Variants in BCL2L1 observed in about 807,000 individuals in gnomAD.
BCL2L1 encodes the protein BCL2 like 1.
Under a neutral mutation model 18.7 loss-of-function variants are expected in BCL2L1, and 1 was observed. The observed-to-expected ratio is 0.05, with a 90% confidence interval of 0.02 to 0.25. The LOEUF (loss-of-function observed/expected upper bound fraction) is 0.25. Ranked by LOEUF, BCL2L1 falls within the 10% of genes least tolerant of loss-of-function variation. BCL2L1 has a pLI of 1.00. For missense variants in BCL2L1, 207 were observed against 304.9 expected (o/e 0.68, Z 2.39); for synonymous variants, 103 against 122.7 (o/e 0.84, Z 1.06).
intron 2 of BCL2L1, among the ~76,000 whole-genome samples, chr20:31,679,972 C>T (rs1216726632): frequency 7.9e-5 from 12 of 152,204 alleles, no homozygotes; most frequent in African/African-American, 2.9e-4. Context: ...TGAGCCACTG[C>T]ACCCAGCCTG....
At chr20:31,693,068 C>CA (rs570960056) in intron 2 of BCL2L1, among the ~76,000 whole-genome samples, 1,749 of 64,348 alleles carry the variant, frequency 0.027, 33 homozygotes, top group African/African-American at 0.08. Flanking sequence ...GGGACCGTCT[C>CA]AAAAAAAAAA....
chr20:31,689,503 T>C (rs1600824384), intron 2 of BCL2L1, among the ~76,000 whole-genome samples: 1 of 149,492 alleles, frequency 6.7e-6, no homozygotes, highest in Non-Finnish European at 1.5e-5. Context: ...CAAGGGAAGG[T>C]AGGAAACTTA....
intron 2 of BCL2L1, among the ~76,000 whole-genome samples, chr20:31,667,338 G>A (rs2060602684): frequency 6.6e-6 from 1 of 151,864 alleles, no homozygotes; most frequent in African/African-American, 2.4e-5. Flanking sequence ...GCACGCACCT[G>A]TAATCCCAGT....
intron 2 of BCL2L1, among the ~76,000 whole-genome samples, chr20:31,678,054 C>T (rs542053746): frequency 1.0e-3 from 152 of 152,318 alleles, no homozygotes; most frequent in Non-Finnish European, 1.7e-3. Context: ...GACACTTTCT[C>T]TCAGGATAAG....
chr20:31,723,445 G>T (rs548652975), upstream of BCL2L1: 6 of 985,454 alleles, frequency 6.1e-6, no homozygotes, highest in South Asian at 2.8e-4. Flanking sequence ...GCGCCCCCGG[G>T]AGGGCTCCGG....
At chr20:31,683,787 AAAAAAAAAAAAAAAAAAAAAG>A (rs2060906070) in intron 2 of BCL2L1, among the ~76,000 whole-genome samples, 1 of 76,662 alleles carries the variant, frequency 1.3e-5, no homozygotes, top group African/African-American at 1.1e-4. Flanking sequence ...AAAAAAAAAA[AAAAAAAAAAAAAAAAAAAAAG>A]AATGTGAACT....
At chr20:31,694,813 G>A (rs748072287) in intron 2 of BCL2L1, among the ~76,000 whole-genome samples, 19 of 152,190 alleles carry the variant, frequency 1.2e-4, no homozygotes, top group Middle Eastern at 3.4e-3. Context: ...GCCTGGTGGC[G>A]TACCTATAAT....
At chr20:31,713,284 G>A (rs1305480900) in intron 2 of BCL2L1, 29 of 985,240 alleles carry the variant, frequency 2.9e-5, no homozygotes, top group East Asian at 2.3e-4. Flanking sequence ...TCTAAATCTT[G>A]AAGGGATGAT....
intron 2 of BCL2L1, among the ~76,000 whole-genome samples, chr20:31,714,308 T>G (rs1008501330): frequency 1.3e-5 from 2 of 151,906 alleles, no homozygotes; most frequent in Non-Finnish European, 2.9e-5. Flanking sequence ...AGACTGAGAG[T>G]AGAACTGGGA....
chr20:31,701,874 A>G (rs2061282891), intron 2 of BCL2L1, among the ~76,000 whole-genome samples: 1 of 152,344 alleles, frequency 6.6e-6, no homozygotes, highest in East Asian at 1.9e-4. Flanking sequence ...GTATTCACTG[A>G]ATGTTTACTA....
At chr20:31,668,752 G>A (rs2060625147) in intron 2 of BCL2L1, among the ~76,000 whole-genome samples, 1 of 151,454 alleles carries the variant, frequency 6.6e-6, no homozygotes, top group African/African-American at 2.4e-5. Flanking sequence ...TTACAGGCGC[G>A]TGCCACCACA....
intron 2 of BCL2L1, among the ~76,000 whole-genome samples, chr20:31,690,258 A>AT (rs879838208): frequency 5.7e-4 from 84 of 146,260 alleles, no homozygotes; most frequent in South Asian, 2.2e-3. Flanking sequence ...CAAATGACTA[A>AT]TTTTTTTTTT....
At chr20:31,691,279 C>G in intron 2 of BCL2L1, among the ~76,000 whole-genome samples, 1 of 149,220 alleles carries the variant, frequency 6.7e-6, no homozygotes. Context: ...CTATGGAGGC[C>G]AGGCATGGAG....
intron 2 of BCL2L1, among the ~76,000 whole-genome samples, chr20:31,681,108 G>C (rs1027731719): frequency 2.0e-5 from 3 of 152,230 alleles, no homozygotes; most frequent in African/African-American, 7.2e-5. Context: ...TCTGGAGGTA[G>C]CCAAGGGCCC....
intron 2 of BCL2L1, among the ~76,000 whole-genome samples, chr20:31,683,769 C>CAAAAAA (rs372160646): frequency 3.2e-4 from 26 of 80,708 alleles, no homozygotes; most frequent in Non-Finnish European, 4.4e-4. Context: ...AACTCCATCT[C>CAAAAAA]AAAAAAAAAA....
chr20:31,723,454 G>A, upstream of BCL2L1: 15 of 985,376 alleles, frequency 1.5e-5, no homozygotes, highest in South Asian at 4.7e-5. Flanking sequence ...GGAGGGCTCC[G>A]GGGCCGGGGG....
At chr20:31,680,383 C>G (rs1000317680) in intron 2 of BCL2L1, among the ~76,000 whole-genome samples, 12 of 152,162 alleles carry the variant, frequency 7.9e-5, no homozygotes, top group African/African-American at 2.9e-4. Context: ...AGCATTCCCC[C>G]CTGGTTCCCT....
In BCL2L1 at chr20:31,665,833, G is replaced by A; in HGVS notation, c.*116C>T. The A allele has an allele frequency of 7.3e-7, 1 of 1,375,720 alleles. No individual in the cohort carries two copies. Among genetic ancestry groups the A allele is most frequent in the Non-Finnish European group, 1.0e-6 (1 of 1,001,640 alleles). The allele number at this position is 1,375,720 out of a possible 1,614,324, so 85.2% of individuals were successfully genotyped here. ...CCAGATCTGGGCCCAACCCTGTGAT[G>A]GGCAGGTGGGCATGGGCTGCATGTA... On this transcript the variant is annotated 3_prime_UTR_variant, in exon 3 of 3. Coordinates refer to ENST00000307677, the MANE Select transcript of BCL2L1 (RefSeq NM_138578.3).
intron 2 of BCL2L1, among the ~76,000 whole-genome samples, chr20:31,692,067 G>T (rs2061084484): frequency 6.6e-6 from 1 of 152,230 alleles, no homozygotes; most frequent in Admixed American, 6.5e-5. Context: ...ACCAAGAGTG[G>T]CAGCATCAGC....
Sources: gnomAD v4.1 joint callset for allele counts (sites outside exome capture counted in the v4.1 genomes callset) on GRCh38, gnomAD v4.1.1 for gene constraint, MANE v1.5 for transcripts, NCBI Gene and HGNC (gene_info 2026-07-23, HGNC 2026-07-21) for gene names.